Variants in NIPSNAP2 observed in about 807,000 individuals in gnomAD.
NIPSNAP2 encodes nipsnap homolog 2.
Under a neutral mutation model 48.4 loss-of-function variants are expected in NIPSNAP2, and 42 were observed. That is an observed-to-expected ratio of 0.87 (90% CI 0.68 to 1.12). The LOEUF (loss-of-function observed/expected upper bound fraction) is 1.12. Among genes scored for constraint, NIPSNAP2 ranks in the 50% most tolerant of loss-of-function variants. NIPSNAP2 has a pLI of 0.00. For missense variants in NIPSNAP2, 314 were observed against 347.3 expected (o/e 0.90, Z 0.76); for synonymous variants, 158 against 126.6 (o/e 1.25, Z -1.67).
intron 1 of NIPSNAP2, among the ~76,000 whole-genome samples, chr7:55,969,109 A>C (rs1348981684): frequency 6.6e-6 from 1 of 152,172 alleles, no homozygotes. Flanking sequence ...TTTAATGGTA[A>C]AATGTTCATT....
chr7:55,987,980 A>G (rs1787365640), intron 7 of NIPSNAP2, among the ~76,000 whole-genome samples: 1 of 152,178 alleles, frequency 6.6e-6, no homozygotes, highest in Non-Finnish European at 1.5e-5. Flanking sequence ...AATACGTTTA[A>G]AAAATGTTTA....
chr7:55,989,648 G>A (rs1787403215), intron 7 of NIPSNAP2, among the ~76,000 whole-genome samples: 1 of 151,794 alleles, frequency 6.6e-6, no homozygotes, highest in Admixed American at 6.6e-5. Context: ...TAATTAAGAG[G>A]GATGCAAGAA....
In NIPSNAP2 at chr7:55,964,614, C is replaced by T. The variant is rs1254931272; in HGVS notation, c.5C>T (p.Ala2Val). 6.7e-6 allele frequency: 7 copies of T among 1,037,210 alleles called. No homozygotes were observed. The highest frequency in any genetic ancestry group is 6.9e-6 in the Non-Finnish European group (6 of 865,032). 64.3% of individuals were successfully genotyped at this position (1,037,210 alleles called of 1,614,324 possible). A position where few individuals can be genotyped will look rare whatever the true frequency, so the allele number is the denominator to read the frequency against. Residue 2 changes from alanine to valine, a missense_variant, in exon 1 of 10, where the codon GCG (alanine) becomes GTG (valine). Transcript: ENST00000322090. MAARVLRARGAA... is the reference protein window; with the variant it reads MVARVLRARGAA... Reference sequence around the variant, plus strand: ...GGAGCCGAGGCGCCGAGCAAGATGGCGGCGCGAGTGCTGCGCGCCCGCGGA... The same window carrying T: ...GGAGCCGAGGCGCCGAGCAAGATGGTGGCGCGAGTGCTGCGCGCCCGCGGA...
chr7:55,965,730 A>G (rs1786880114), intron 1 of NIPSNAP2, among the ~76,000 whole-genome samples: 1 of 151,964 alleles, frequency 6.6e-6, no homozygotes, highest in Admixed American at 6.6e-5. Context: ...ACAGGCATGC[A>G]CCACCACACC....
intron 8 of NIPSNAP2, among the ~76,000 whole-genome samples, chr7:55,995,415 A>G (rs1370397636): frequency 6.6e-6 from 1 of 152,072 alleles, no homozygotes; most frequent in Non-Finnish European, 1.5e-5. Context: ...GTCTCATGAC[A>G]TTGACCCCCT....
chr7:55,991,828 G>A, intron 7 of NIPSNAP2: 1 of 268,628 alleles, frequency 3.7e-6, no homozygotes, highest in Non-Finnish European at 7.5e-6. Context: ...TGGCACATAG[G>A]TAACTAAGAT....
At chr7:55,993,059 G>A (rs145778936) in intron 7 of NIPSNAP2, among the ~76,000 whole-genome samples, 3,485 of 152,188 alleles carry the variant, frequency 0.023, 56 homozygotes, top group Middle Eastern at 0.061. Flanking sequence ...AGCACTTAGG[G>A]AGGCTGGGGT....
chr7:55,997,018 A>G (rs906691420), intron 8 of NIPSNAP2, among the ~76,000 whole-genome samples: 5 of 152,152 alleles, frequency 3.3e-5, no homozygotes, highest in South Asian at 2.1e-4. Context: ...AAATTAGCCA[A>G]TGTGGTAGCA....
intron 3 of NIPSNAP2, chr7:55,980,332 T>C (rs1302089616): frequency 1.9e-5 from 3 of 155,934 alleles, no homozygotes; most frequent in Non-Finnish European, 4.3e-5. Flanking sequence ...TTGGAACTTT[T>C]CTCTGTTAAC....
At chr7:55,974,389 C>G (rs148270734) in intron 1 of NIPSNAP2, among the ~76,000 whole-genome samples, 57 of 152,140 alleles carry the variant, frequency 3.7e-4, no homozygotes, top group African/African-American at 1.3e-3. Flanking sequence ...TCCATGTGTT[C>G]ATTTCATGAA....
chr7:55,969,750 A>G (rs531150534), intron 1 of NIPSNAP2, among the ~76,000 whole-genome samples: 59 of 152,124 alleles, frequency 3.9e-4, no homozygotes, highest in East Asian at 1.4e-3. Context: ...TTGGGAGGCC[A>G]AGGTGGGCGA....
chr7:55,966,533 A>T (rs995488659), intron 1 of NIPSNAP2, among the ~76,000 whole-genome samples: 1 of 152,148 alleles, frequency 6.6e-6, no homozygotes, highest in Admixed American at 6.5e-5. Flanking sequence ...CTGTAATCCC[A>T]GCACTTTGGG....
intron 9 of NIPSNAP2, among the ~76,000 whole-genome samples, chr7:55,998,493 GTTTTTTTTTTTTTTTT>G (rs1164855630): frequency 1.6e-5 from 1 of 63,188 alleles, no homozygotes; most frequent in African/African-American, 5.7e-5. Context: ...GGTAGGATCT[GTTTTTTTTTTTTTTTT>G]TTTTTTTTTT....
At chr7:55,985,088 C>T (rs1436994050) in intron 7 of NIPSNAP2, among the ~76,000 whole-genome samples, 1 of 152,178 alleles carries the variant, frequency 6.6e-6, no homozygotes, top group Non-Finnish European at 1.5e-5. Flanking sequence ...CTCTTAGCTT[C>T]AATAATTAAC....
At chr7:55,978,450 G>C (rs1483821951) in intron 3 of NIPSNAP2, 55 bp downstream of exon 3, 1 of 1,446,406 alleles carries the variant, frequency 6.9e-7, no homozygotes, top group East Asian at 2.3e-5. Context: ...TTATTTGTTA[G>C]TTAATTCCAC....
intron 8 of NIPSNAP2, among the ~76,000 whole-genome samples, chr7:55,997,001 A>G (rs1787576012): frequency 6.6e-6 from 1 of 152,134 alleles, no homozygotes. Flanking sequence ...GGCACAAAAA[A>G]ATACAAAAAT....
At chr7:55,979,641 A>G (rs572480905) in intron 3 of NIPSNAP2, 69 of 383,226 alleles carry the variant, frequency 1.8e-4, no homozygotes, top group African/African-American at 1.4e-3. Context: ...CTGGGCTCCA[A>G]GCTATACCTG....
intron 5 of NIPSNAP2, among the ~76,000 whole-genome samples, chr7:55,982,538 G>A (rs946361637): frequency 1.3e-5 from 2 of 148,902 alleles, no homozygotes; most frequent in African/African-American, 2.5e-5. Flanking sequence ...CACAAGGTCA[G>A]GAGATTGAGA....
chr7:55,969,657 G>A (rs1786972862), intron 1 of NIPSNAP2, among the ~76,000 whole-genome samples: 1 of 152,154 alleles, frequency 6.6e-6, no homozygotes, highest in East Asian at 1.9e-4. Context: ...CATCGTCAGT[G>A]GCTGACAGGT....
Sources: allele counts gnomAD v4.1 joint callset (sites outside exome capture counted in the v4.1 genomes callset), GRCh38; gene constraint gnomAD v4.1.1; transcripts MANE v1.5; gene names NCBI Gene and HGNC (gene_info 2026-07-23, HGNC 2026-07-21).